The following PDE10A variants were observed in gnomAD, a reference collection of about 807,000 sequenced individuals.
PDE10A encodes phosphodiesterase 10A.
PDE10A carries 39 observed loss-of-function variants against 97.7 expected under a neutral mutation model. That is an observed-to-expected ratio of 0.40 (90% CI 0.31 to 0.52). The LOEUF is 0.52. Among genes scored for constraint, PDE10A ranks in the 20% least tolerant of loss-of-function variants. PDE10A has a pLI of 0.56. For synonymous variants in PDE10A, 371 were observed against 376.8 expected, an observed-to-expected ratio of 0.98 and a Z score of 0.18; for missense variants, 731 against 1,047.8, an observed-to-expected ratio of 0.70 and a Z score of 4.17.
rs116785186 is a variant in PDE10A, at chr6:165,706,391, C to T, written c.-614-162823G>A. ...TCCATGGGTCATGGACAGAAACATT[C>T]GGGTTGCTAGAATGAGATTATTGCC... On this transcript the variant is annotated intron_variant, in intron 1 of 19. Transcript: ENST00000366882. 9.8e-3 allele frequency among the ~76,000 whole-genome samples: 1,489 copies of T among 152,092 alleles called. 21 individuals carry two copies. The highest frequency in any genetic ancestry group is 0.034 in the African/African-American group (1,411 of 41,462).
At chr6:165,982,788 G>A (rs1785059110) in intron 1 of PDE10A, among the ~76,000 whole-genome samples, 1 of 152,060 alleles carries the variant, frequency 6.6e-6, no homozygotes, top group South Asian at 2.1e-4. Flanking sequence ...CTCCCATACA[G>A]CTTTCCACAT....
chr6:165,877,812 T>C (rs566242819), intron 1 of PDE10A, among the ~76,000 whole-genome samples: 1 of 152,322 alleles, frequency 6.6e-6, no homozygotes, highest in East Asian at 1.9e-4. Context: ...CTAAACGCTT[T>C]ATATCTTATA....
intron 1 of PDE10A, among the ~76,000 whole-genome samples, chr6:165,648,456 C>T (rs1789519240): frequency 6.6e-6 from 1 of 151,986 alleles, no homozygotes; most frequent in Non-Finnish European, 1.5e-5. Flanking sequence ...ACATCTCTTT[C>T]TATACACGTG....
intron 1 of PDE10A, among the ~76,000 whole-genome samples, chr6:165,764,279 C>T (rs1562724528): frequency 6.6e-6 from 1 of 152,236 alleles, no homozygotes; most frequent in Non-Finnish European, 1.5e-5. Context: ...AATATTAGTG[C>T]TTTCCTCATA....
intron 1 of PDE10A, among the ~76,000 whole-genome samples, chr6:165,713,886 C>T (rs1046289702): frequency 1.3e-5 from 2 of 152,172 alleles, no homozygotes; most frequent in African/African-American, 2.4e-5. Flanking sequence ...GCAATTAGAG[C>T]GCTTTATTGC....
intron 13 of PDE10A, among the ~76,000 whole-genome samples, chr6:165,400,423 T>C (rs560227423): frequency 9.2e-5 from 14 of 152,210 alleles, no homozygotes; most frequent in African/African-American, 3.4e-4. Context: ...TGCGAGCAAA[T>C]ATTTACAAAT....
intron 2 of PDE10A, among the ~76,000 whole-genome samples, chr6:165,535,172 G>A (rs188901601): frequency 6.8e-4 from 103 of 151,824 alleles, no homozygotes; most frequent in African/African-American, 2.4e-3. Context: ...AAATGAAATC[G>A]AGAAAGCAAT....
intron 1 of PDE10A, among the ~76,000 whole-genome samples, chr6:165,696,928 G>T (rs1016434154): frequency 2.0e-5 from 3 of 152,198 alleles, no homozygotes; most frequent in African/African-American, 7.2e-5. Flanking sequence ...GGACTCATCA[G>T]TAAATATGAA....
intron 1 of PDE10A, among the ~76,000 whole-genome samples, chr6:165,582,150 A>C (rs1476596448): frequency 6.6e-6 from 1 of 152,216 alleles, no homozygotes; most frequent in Non-Finnish European, 1.5e-5. Context: ...GCTTTTATGA[A>C]GCTTAAACAA....
intron 3 of PDE10A, among the ~76,000 whole-genome samples, chr6:165,466,626 A>C (rs1459439377): frequency 6.6e-6 from 1 of 152,196 alleles, no homozygotes; most frequent in Non-Finnish European, 1.5e-5. Context: ...CTGTATTTCA[A>C]AACTTTTTCA....
intron 4 of PDE10A, among the ~76,000 whole-genome samples, chr6:165,450,027 A>G (rs920013155): frequency 6.6e-6 from 1 of 152,226 alleles, no homozygotes; most frequent in African/African-American, 2.4e-5. Flanking sequence ...TGTATATATC[A>G]GGCAGATACT....
At chr6:165,638,315 A>T (rs555467027) in intron 1 of PDE10A, among the ~76,000 whole-genome samples, 1 of 152,246 alleles carries the variant, frequency 6.6e-6, no homozygotes, top group Non-Finnish European at 1.5e-5. Flanking sequence ...AGTAAGAGTC[A>T]AAACTAAACG....
intron 2 of PDE10A, among the ~76,000 whole-genome samples, chr6:165,516,190 T>TGG (rs1781796100): frequency 1.3e-5 from 2 of 152,126 alleles, no homozygotes; most frequent in South Asian, 4.1e-4. Context: ...GCTCCAGCAA[T>TGG]CTCTTCTCCG....
chr6:165,845,044 A>G (rs1780373510), intron 1 of PDE10A, among the ~76,000 whole-genome samples: 1 of 152,258 alleles, frequency 6.6e-6, no homozygotes, highest in African/African-American at 2.4e-5. Flanking sequence ...AGCTCTATAA[A>G]GAAGCGATAT....
Position 165,943,362 on chromosome 6 carries a change from G to A in PDE10A, c.-615+44167C>T, listed in dbSNP as rs546676721. Among the ~76,000 whole-genome samples the A allele has an allele frequency of 1.5e-4, 19 of 126,388 alleles. 1 individual carries two copies. The highest frequency in any genetic ancestry group is 5.8e-4 in the African/African-American group (16 of 27,696). The allele number at this position is 126,388 out of a possible 152,430, so 82.9% of individuals were successfully genotyped here. On this transcript the variant is annotated intron_variant, in intron 1 of 19. Coordinates refer to the PDE10A transcript ENST00000366882. The stretch of plus-strand genomic sequence containing the variant: ...GAAAGAAAAGAGAAAGAAAGAAAGA[G>A]AAAGAAAGAAAACGAACGAACTGAG...
At chr6:165,477,300 A>G (rs1356931696) in intron 3 of PDE10A, among the ~76,000 whole-genome samples, 1 of 116,042 alleles carries the variant, frequency 8.6e-6, no homozygotes, top group Non-Finnish European at 1.9e-5. Context: ...TTTTTCCTCA[A>G]ATGTGTTCCC....
At chr6:165,342,267 T>A (rs770776232) in intron 19 of PDE10A, among the ~76,000 whole-genome samples, 43 of 152,196 alleles carry the variant, frequency 2.8e-4, no homozygotes, top group Non-Finnish European at 5.0e-4. Context: ...TTGAAAAATA[T>A]CTACATATAA....
intron 1 of PDE10A, among the ~76,000 whole-genome samples, chr6:165,947,692 T>C (rs1783817233): frequency 6.6e-6 from 1 of 152,228 alleles, no homozygotes; most frequent in African/African-American, 2.4e-5. Flanking sequence ...GACTCACGTA[T>C]TTTTATTGAT....
upstream of PDE10A, among the ~76,000 whole-genome samples, chr6:165,665,406 T>C (rs910701502): frequency 6.6e-6 from 1 of 152,142 alleles, no homozygotes; most frequent in Non-Finnish European, 1.5e-5. Flanking sequence ...TACTGATATA[T>C]CAGAAGGAGG....
Sources: allele counts gnomAD v4.1 joint callset (sites outside exome capture counted in the v4.1 genomes callset), GRCh38; gene constraint gnomAD v4.1.1; transcripts MANE v1.5; gene names NCBI Gene and HGNC (gene_info 2026-07-23, HGNC 2026-07-21).